CCSER1: variants seen among roughly 807,000 people sequenced by gnomAD.
CCSER1 encodes the protein serine-rich coiled-coil domain-containing protein 1.
A neutral mutation model predicts 82.0 loss-of-function variants in CCSER1; 41 were observed. The observed-to-expected ratio is 0.50, with a 90% CI of 0.39 to 0.65. The LOEUF (loss-of-function observed/expected upper bound fraction) is 0.65, where lower values mean the gene tolerates loss of function less well. Among genes scored for constraint, CCSER1 ranks in the 30% least tolerant of loss-of-function variants. The pLI is 0.00. For synonymous variants in CCSER1, 414 were observed against 383.9 expected, an observed-to-expected ratio of 1.08 and a Z score of -0.92; for missense variants, 1,119 against 1,064.2, an observed-to-expected ratio of 1.05 and a Z score of -0.72.
intron 8 of CCSER1, among the ~76,000 whole-genome samples, chr4:90,844,479 A>G (rs1442154741): frequency 6.6e-6 from 1 of 152,134 alleles, no homozygotes; most frequent in Non-Finnish European, 1.5e-5. Flanking sequence ...TTCCTTGAAC[A>G]CACAGAGCAT....
At chr4:90,793,517 T>G (rs1480670732) in intron 7 of CCSER1, among the ~76,000 whole-genome samples, 1 of 152,086 alleles carries the variant, frequency 6.6e-6, no homozygotes, top group East Asian at 1.9e-4. Flanking sequence ...TCTTTTCTAT[T>G]GCTGCATGGT....
At chr4:90,409,152 A>G (rs963951711) in intron 4 of CCSER1, among the ~76,000 whole-genome samples, 6 of 152,234 alleles carry the variant, frequency 3.9e-5, no homozygotes, top group Middle Eastern at 3.4e-3. Context: ...ATCTACATCT[A>G]ATTGGTGTAC....
Position 91,182,655 on chromosome 4 carries a change from A to G in CCSER1, c.2217+96661A>G, listed in dbSNP as rs547010782. 2.6e-5 allele frequency among the ~76,000 whole-genome samples: 4 copies of G among 152,340 alleles called. No individual in the cohort carries two copies. In the South Asian group the frequency reaches 8.3e-4, roughly 32 times the overall value. On this transcript the variant is annotated intron_variant, in intron 10 of 10. Transcript: ENST00000509176. ...GAGCTTGGCTATTATAGCCTGGGGC[A>G]TTATCTGTTTTAATAGAAGCTGGAA...
chr4:91,151,728 T>C (rs1182044516), intron 10 of CCSER1, among the ~76,000 whole-genome samples: 1 of 152,232 alleles, frequency 6.6e-6, no homozygotes, highest in East Asian at 1.9e-4. Flanking sequence ...AATTTCTTTA[T>C]GTACCCAGTA....
chr4:91,199,037 G>C (rs1311665766), intron 10 of CCSER1, among the ~76,000 whole-genome samples: 1 of 152,112 alleles, frequency 6.6e-6, no homozygotes, highest in African/African-American at 2.4e-5. Flanking sequence ...CAAAGTTTAA[G>C]TTGAAAAAGA....
intron 10 of CCSER1, among the ~76,000 whole-genome samples, chr4:91,452,535 T>C (rs1310387642): frequency 6.6e-6 from 1 of 152,032 alleles, no homozygotes; most frequent in Non-Finnish European, 1.5e-5. Flanking sequence ...TATGTCTTTG[T>C]CACTCCTTTG....
At chr4:90,368,755 A>T (rs964727509) in intron 3 of CCSER1, among the ~76,000 whole-genome samples, 4 of 151,684 alleles carry the variant, frequency 2.6e-5, no homozygotes, top group African/African-American at 9.7e-5. Context: ...TATCCATAGC[A>T]TCATATAAAT....
chr4:91,463,698 G>A (rs549456386), intron 10 of CCSER1, among the ~76,000 whole-genome samples: 4 of 152,314 alleles, frequency 2.6e-5, no homozygotes, highest in South Asian at 2.1e-4. Flanking sequence ...CGAGAGCTAC[G>A]TGATTAATGC....
At chr4:91,053,310 T>C (rs554502967) in intron 9 of CCSER1, among the ~76,000 whole-genome samples, 101 of 152,272 alleles carry the variant, frequency 6.6e-4, no homozygotes, top group Non-Finnish European at 1.0e-3. Flanking sequence ...CATACCAAAA[T>C]GAGTTGGAAA....
At chr4:91,479,471 T>C (rs1757772224) in intron 10 of CCSER1, among the ~76,000 whole-genome samples, 1 of 151,534 alleles carries the variant, frequency 6.6e-6, no homozygotes, top group Non-Finnish European at 1.5e-5. Flanking sequence ...CACAAAAAGA[T>C]TGTATATAGT....
intron 9 of CCSER1, among the ~76,000 whole-genome samples, chr4:91,009,059 G>A (rs775884504): frequency 6.6e-6 from 1 of 152,200 alleles, no homozygotes; most frequent in Non-Finnish European, 1.5e-5. Context: ...CCCCGGATCA[G>A]GAGCACAGTG....
intron 4 of CCSER1, among the ~76,000 whole-genome samples, chr4:90,427,589 A>G (rs1757702858): frequency 6.6e-6 from 1 of 151,726 alleles, no homozygotes; most frequent in Non-Finnish European, 1.5e-5. Context: ...AGCTATAGTG[A>G]TTATTTTCAT....
chr4:90,708,429 A>T (rs1389067179), intron 6 of CCSER1, among the ~76,000 whole-genome samples: 1 of 152,196 alleles, frequency 6.6e-6, no homozygotes, highest in Non-Finnish European at 1.5e-5. Context: ...TAGCAAGAAA[A>T]GTAATATTTC....
At chr4:91,431,297 A>G (rs1754295192) in intron 10 of CCSER1, among the ~76,000 whole-genome samples, 1 of 152,190 alleles carries the variant, frequency 6.6e-6, no homozygotes, top group African/African-American at 2.4e-5. Context: ...TAATACATTC[A>G]CAGAGCTCAA....
At chr4:90,186,777 G>C (rs1734694208) in intron 1 of CCSER1, among the ~76,000 whole-genome samples, 1 of 151,020 alleles carries the variant, frequency 6.6e-6, no homozygotes, top group South Asian at 2.1e-4. Context: ...TTTGTTTTTT[G>C]CTCCTCTCTT....
intron 8 of CCSER1, among the ~76,000 whole-genome samples, chr4:90,828,767 A>C (rs753428633): frequency 7.2e-5 from 11 of 152,196 alleles, no homozygotes; most frequent in Non-Finnish European, 1.6e-4. Flanking sequence ...TAGCCTCAAT[A>C]TCTAACAAAG....
rs1386600154 is a variant in CCSER1, at chr4:91,063,521, G to A, written c.2173-22429G>A. The stretch of plus-strand genomic sequence containing the variant: ...ATGCTCCCTAAAGAGGCTTACTGGT[G>A]TATTAAAAATATGTTTATGATTTAT... On this transcript the variant is annotated intron_variant, in intron 9 of 10. Coordinates refer to ENST00000509176, the MANE Select transcript of CCSER1 (RefSeq NM_001145065.2). Among the ~76,000 whole-genome samples, 6 of 152,090 alleles carry A rather than the reference G, an allele frequency of 3.9e-5. 2 individuals are homozygous for A. The East Asian group carries it at 1.2e-3, about 29-fold the overall frequency.
chr4:91,381,755 T>C (rs1426411711), intron 10 of CCSER1, among the ~76,000 whole-genome samples: 2 of 152,248 alleles, frequency 1.3e-5, no homozygotes, highest in Admixed American at 1.3e-4. Context: ...TCAAAGTCAT[T>C]CTCTGTCCAG....
chr4:90,330,088 A>G (rs1302430726), intron 3 of CCSER1, among the ~76,000 whole-genome samples: 2 of 152,182 alleles, frequency 1.3e-5, no homozygotes, highest in African/African-American at 4.8e-5. Flanking sequence ...TATATTTAGT[A>G]GTAATGGTCA....
Sources: allele counts gnomAD v4.1 joint callset (sites outside exome capture counted in the v4.1 genomes callset), GRCh38; gene constraint gnomAD v4.1.1; transcripts MANE v1.5; gene names NCBI Gene and HGNC (gene_info 2026-07-23, HGNC 2026-07-21).